The following ROBO2 variants were observed in gnomAD, a reference collection of about 807,000 sequenced individuals.
The protein encoded by ROBO2 is roundabout homolog 2.
In ROBO2, 53 loss-of-function variants were observed where a neutral mutation model predicts 160.8. The observed-to-expected ratio is 0.33, with a 90% confidence interval of 0.26 to 0.41. ROBO2 has a LOEUF of 0.41. ROBO2 is among the 10% of genes least tolerant of loss of function. The pLI, the probability that ROBO2 is intolerant of heterozygous loss-of-function variation, is 1.00. For synonymous variants in ROBO2, 664 were observed against 611.7 expected (o/e 1.09, Z -1.26); for missense variants, 1,577 against 1,722.4 (o/e 0.92, Z 1.49).
chr3:76,564,430 C>T (rs72904555), intron 2 of ROBO2, among the ~76,000 whole-genome samples: 6,800 of 151,514 alleles, frequency 0.045, 562 homozygotes, highest in African/African-American at 0.16. Flanking sequence ...TAGAGTAATT[C>T]ACTGCCCATC....
chr3:76,074,386 A>G (rs958825872), intron 2 of ROBO2, among the ~76,000 whole-genome samples: 1 of 152,236 alleles, frequency 6.6e-6, no homozygotes, highest in Non-Finnish European at 1.5e-5. Context: ...GCAAGAGAGA[A>G]GAAGAGCACC....
intron 2 of ROBO2, among the ~76,000 whole-genome samples, chr3:76,909,451 AG>A (rs2075828998): frequency 6.6e-6 from 1 of 152,214 alleles, no homozygotes; most frequent in African/African-American, 2.4e-5. Context: ...TGACATAATG[AG>A]TACAGTGTTC....
chr3:77,499,147 G>A (rs1448434597), intron 5 of ROBO2, among the ~76,000 whole-genome samples: 2 of 152,170 alleles, frequency 1.3e-5, no homozygotes, highest in East Asian at 3.8e-4. Context: ...CATTGCCAAG[G>A]GGTTTTAGAC....
At chr3:76,826,913 T>C (rs5745846) in intron 2 of ROBO2, among the ~76,000 whole-genome samples, 18,747 of 152,158 alleles carry the variant, frequency 0.12, 1,269 homozygotes, top group East Asian at 0.24. Flanking sequence ...ATACAAATAG[T>C]GTTAAATTGC....
At chr3:76,318,825 G>T (rs890216909) in intron 2 of ROBO2, among the ~76,000 whole-genome samples, 1 of 152,000 alleles carries the variant, frequency 6.6e-6, no homozygotes. Context: ...TATTTTCACA[G>T]GTTTTGTTAC....
intron 2 of ROBO2, among the ~76,000 whole-genome samples, chr3:76,387,385 TTTA>T (rs1247449097): frequency 5.3e-5 from 8 of 152,100 alleles, no homozygotes; most frequent in African/African-American, 1.7e-4. Context: ...TGAAGAATCA[TTTA>T]TTATTATTAC....
chr3:77,577,693 C>T, intron 15 of ROBO2, 79 bp downstream of exon 16: 5 of 1,488,514 alleles, frequency 3.4e-6, no homozygotes, highest in Non-Finnish European at 4.7e-6. Flanking sequence ...TGAGACACAT[C>T]TCTAAAGGTT....
chr3:76,301,320 A>G (rs1162864811), intron 2 of ROBO2, among the ~76,000 whole-genome samples: 3 of 152,134 alleles, frequency 2.0e-5, no homozygotes. Context: ...GCATCATTTT[A>G]AAAGACAGGA....
chr3:77,096,368 A>G (rs1393433667), intron 1 of ROBO2, among the ~76,000 whole-genome samples: 1 of 152,136 alleles, frequency 6.6e-6, no homozygotes, highest in African/African-American at 2.4e-5. Context: ...TAAATGAAAA[A>G]TATTCAAAAT....
intron 1 of ROBO2, among the ~76,000 whole-genome samples, chr3:75,910,324 C>T (rs999923386): frequency 5.9e-5 from 9 of 152,176 alleles, no homozygotes; most frequent in African/African-American, 1.9e-4. Context: ...ACATTCATTG[C>T]TGAAAGTGAA....
At chr3:77,201,662 C>T (rs543655498) in intron 2 of ROBO2, among the ~76,000 whole-genome samples, 1 of 152,052 alleles carries the variant, frequency 6.6e-6, no homozygotes, top group Admixed American at 6.6e-5. Context: ...TGCAATAGGG[C>T]ATTTATTTCT....
rs577874286 is a variant in ROBO2, at chr3:76,754,445, G to T, written c.110-343569G>T. 7.2e-5 allele frequency among the ~76,000 whole-genome samples: 11 copies of T among 151,988 alleles called. No homozygotes were observed. In the South Asian group the frequency reaches 8.3e-4, roughly 11 times the overall value. ...CCCTTCATAATTCCTAAACTGCACT[G>T]TGATTTCCCCAGTCTTGCTGCTCTT... On this transcript the variant is annotated intron_variant, in intron 2 of 26. Transcript: ENST00000487694.
intron 2 of ROBO2, among the ~76,000 whole-genome samples, chr3:76,289,340 C>A (rs1298406177): frequency 6.6e-6 from 1 of 151,958 alleles, no homozygotes; most frequent in African/African-American, 2.4e-5. Context: ...TTTTAATGGG[C>A]TTGATTGTTT....
chr3:76,809,544 C>T (rs926732201), intron 2 of ROBO2, among the ~76,000 whole-genome samples: 3 of 152,014 alleles, frequency 2.0e-5, no homozygotes, highest in Non-Finnish European at 4.4e-5. Context: ...TCACCAATTC[C>T]ACCTGGATGC....
At chr3:76,202,668 A>G (rs867510817) in intron 2 of ROBO2, among the ~76,000 whole-genome samples, 15 of 152,300 alleles carry the variant, frequency 9.8e-5, no homozygotes, top group African/African-American at 3.6e-4. Flanking sequence ...TGATACAGTC[A>G]TCTAAAGGGT....
At chr3:77,306,369 T>C (rs1472521929) in intron 2 of ROBO2, among the ~76,000 whole-genome samples, 1 of 152,150 alleles carries the variant, frequency 6.6e-6, no homozygotes, top group Non-Finnish European at 1.5e-5. Flanking sequence ...CATATACACC[T>C]TTTTAAAGCA....
chr3:75,946,852 G>A (rs571037115), intron 2 of ROBO2, among the ~76,000 whole-genome samples: 1 of 152,162 alleles, frequency 6.6e-6, no homozygotes, highest in Admixed American at 6.6e-5. Context: ...ACATTGAAAA[G>A]TGTATGATGG....
At chr3:77,618,937 C>T (rs984655893) in intron 22 of ROBO2, among the ~76,000 whole-genome samples, 3 of 152,110 alleles carry the variant, frequency 2.0e-5, no homozygotes, top group African/African-American at 2.4e-5. Flanking sequence ...GCTTCCTTCA[C>T]GTTAACTAAT....
At chr3:76,128,800 A>G (rs1038584576) in intron 2 of ROBO2, among the ~76,000 whole-genome samples, 1 of 152,108 alleles carries the variant, frequency 6.6e-6, no homozygotes, top group East Asian at 1.9e-4. Flanking sequence ...AGATTTAATA[A>G]CATTCATTTA....
Sources: allele counts gnomAD v4.1 joint callset (sites outside exome capture counted in the v4.1 genomes callset), GRCh38; gene constraint gnomAD v4.1.1; transcripts MANE v1.5; gene names NCBI Gene and HGNC (gene_info 2026-07-23, HGNC 2026-07-21).